ATP6V1A: variants seen among roughly 807,000 people sequenced by gnomAD.
ATP6V1A encodes ATPase H+ transporting V1 subunit A, also known as V-type proton ATPase catalytic subunit A.
In ATP6V1A, 18 loss-of-function variants were observed where a neutral mutation model predicts 70.1. That is an observed-to-expected ratio of 0.26 (90% CI 0.18 to 0.38). The LOEUF (loss-of-function observed/expected upper bound fraction) is 0.38, where lower values mean the gene tolerates loss of function less well. ATP6V1A is among the 10% of genes least tolerant of loss of function. The pLI is 1.00. For synonymous variants in ATP6V1A, 232 were observed against 253.8 expected (o/e 0.91, Z 0.82); for missense variants, 424 against 772.4 (o/e 0.55, Z 5.35).
intron 12 of ATP6V1A, 169 bp from the exon 13 acceptor site, chr3:113,803,414 C>A: frequency 6.8e-6 from 4 of 589,974 alleles, no homozygotes; most frequent in Admixed American, 6.3e-5. Context: ...ATGTTACATG[C>A]CTTTTAACCA....
At chr3:113,780,748 C>T in intron 2 of ATP6V1A, 1 of 1,302,862 alleles carries the variant, frequency 7.7e-7, no homozygotes, top group East Asian at 5.2e-5. Flanking sequence ...CTCCATGTAT[C>T]ATAGCAACTC....
chr3:113,761,387 C>G (rs1054690350), intron 1 of ATP6V1A, among the ~76,000 whole-genome samples: 7 of 148,534 alleles, frequency 4.7e-5, no homozygotes, highest in African/African-American at 1.7e-4. Flanking sequence ...TTTTTTTTGG[C>G]AAAGCCATCA....
At chr3:113,780,737 A>T in intron 2 of ATP6V1A, 1 of 1,298,356 alleles carries the variant, frequency 7.7e-7, no homozygotes, top group Non-Finnish European at 1.0e-6. Flanking sequence ...CAAAGCCTTC[A>T]CTCCATGTAT....
chr3:113,780,595 A>ATGTT (rs1440562782), intron 2 of ATP6V1A: 1 of 396,332 alleles, frequency 2.5e-6, no homozygotes, highest in African/African-American at 2.1e-5. Flanking sequence ...GAAAGTAAAC[A>ATGTT]TGTTGCTTTA....
chr3:113,781,935 A>G (rs1708981540), intron 3 of ATP6V1A, among the ~76,000 whole-genome samples: 3 of 152,216 alleles, frequency 2.0e-5, no homozygotes, highest in South Asian at 4.1e-4. Flanking sequence ...CAGTTTTATT[A>G]CTAGGAAAGC....
At chr3:113,769,213 A>C (rs910949833) in intron 1 of ATP6V1A, among the ~76,000 whole-genome samples, 1 of 152,218 alleles carries the variant, frequency 6.6e-6, no homozygotes, top group Non-Finnish European at 1.5e-5. Context: ...ATGATCAGGT[A>C]ATGTTATTTG....
At chr3:113,782,588 A>ATG (rs1491582663) in intron 3 of ATP6V1A, among the ~76,000 whole-genome samples, 1 of 139,026 alleles carries the variant, frequency 7.2e-6, no homozygotes, top group South Asian at 2.2e-4. Flanking sequence ...ATATATACAC[A>ATG]TATATATATA....
intron 1 of ATP6V1A, among the ~76,000 whole-genome samples, chr3:113,757,074 A>G (rs1227823979): frequency 6.6e-6 from 1 of 152,216 alleles, no homozygotes; most frequent in African/African-American, 2.4e-5. Flanking sequence ...AAGTATCTCT[A>G]TGAATCTAAG....
At chr3:113,763,945 A>G (rs1708736918) in intron 1 of ATP6V1A, among the ~76,000 whole-genome samples, 1 of 152,170 alleles carries the variant, frequency 6.6e-6, no homozygotes, top group Admixed American at 6.5e-5. Flanking sequence ...AGTAAGTTAA[A>G]TTGAATTAAA....
In ATP6V1A at chr3:113,772,933, C is replaced by CTTTTTTTTTTTTTTTTT. The variant is rs762901487; in HGVS notation, c.-13-5802_-13-5786dup. 2.0e-4 allele frequency among the ~76,000 whole-genome samples: 18 copies of CTTTTTTTTTTTTTTTTT among 90,450 alleles called. 4 individuals are homozygous for CTTTTTTTTTTTTTTTTT. Among genetic ancestry groups the CTTTTTTTTTTTTTTTTT allele is most frequent in the African/African-American group, 7.6e-4 (17 of 22,346 alleles). The allele number at this position is 90,450 out of a possible 152,430, so 59.3% of individuals were successfully genotyped here. A position where few individuals can be genotyped will look rare whatever the true frequency, so the allele number is the denominator to read the frequency against. On this transcript the variant is annotated intron_variant, in intron 1 of 14. Coordinates refer to ENST00000273398, the MANE Select transcript of ATP6V1A (RefSeq NM_001690.4). ...CATTTTTTTCTCCACTTAATATTGG[C>CTTTTTTTTTTTTTTTTT]TTTTTTTTTTTTTTTTTTTTTTGAG... is the stretch of plus-strand genomic sequence containing the variant.
chr3:113,810,685 T>C lies in ATP6V1A; in HGVS notation c.*1258T>C, dbSNP rs1709331865. 6.6e-6 allele frequency: 1 copy of C among 152,216 alleles called. No homozygotes were observed. The highest frequency in any genetic ancestry group is 1.5e-5 in the Non-Finnish European group (1 of 68,028). The allele number at this position is 152,216 out of a possible 1,614,324, so 9.4% of individuals were successfully genotyped here. A position where few individuals can be genotyped will look rare whatever the true frequency, so the allele number is the denominator to read the frequency against. ...ACCAGAGAAGATGTTTAGTAGCAAT[T>C]AAAGGCTGTTTGCACCTTTAAGGAC... On this transcript the variant is annotated 3_prime_UTR_variant, in exon 15 of 15. Transcript: ENST00000273398.
At chr3:113,772,353 G>C (rs1416267789) in intron 1 of ATP6V1A, among the ~76,000 whole-genome samples, 1 of 152,188 alleles carries the variant, frequency 6.6e-6, no homozygotes, top group East Asian at 1.9e-4. Context: ...GAATCCTGGA[G>C]AAAAGAACAT....
At chr3:113,768,679 T>G (rs1708801845) in intron 1 of ATP6V1A, among the ~76,000 whole-genome samples, 2 of 145,810 alleles carry the variant, frequency 1.4e-5, no homozygotes, top group Non-Finnish European at 3.0e-5. Flanking sequence ...CAGTGCAACC[T>G]CTGCCTTCCA....
chr3:113,780,175 A>G (rs1305669996), intron 2 of ATP6V1A, among the ~76,000 whole-genome samples: 14 of 152,214 alleles, frequency 9.2e-5, no homozygotes, highest in Admixed American at 9.2e-4. Flanking sequence ...GTAAATATTT[A>G]TAGAATGAAT....
chr3:113,775,709 G>T (rs1453101636), intron 1 of ATP6V1A, among the ~76,000 whole-genome samples: 1 of 152,196 alleles, frequency 6.6e-6, no homozygotes, highest in Non-Finnish European at 1.5e-5. Context: ...ATCTCATGCT[G>T]TTTCCACTTT....
At chr3:113,750,765 T>A (rs1441686002) in intron 1 of ATP6V1A, among the ~76,000 whole-genome samples, 1 of 152,206 alleles carries the variant, frequency 6.6e-6, no homozygotes, top group Non-Finnish European at 1.5e-5. Flanking sequence ...ATAACTACTT[T>A]GATTTTATAT....
chr3:113,764,164 T>A (rs1187049184), intron 1 of ATP6V1A, among the ~76,000 whole-genome samples: 1 of 151,910 alleles, frequency 6.6e-6, no homozygotes, highest in African/African-American at 2.4e-5. Context: ...GCCCAAGAGA[T>A]TGAGGCTGCA....
Position 113,799,628 on chromosome 3 carries a change from G to T in ATP6V1A, c.1494+1182G>T, listed in dbSNP as rs144770292. Among the ~76,000 whole-genome samples the T allele has an allele frequency of 7.9e-4, 121 of 152,264 alleles. 1 individual carries two copies. The East Asian group carries it at 0.019, about 24-fold the overall frequency. On this transcript the variant is annotated intron_variant, in intron 12 of 14. Transcript: ENST00000273398. ...CAAAGAAAGAGATAACAGTGTCATTGTTTGTAGATAATATGCTCATATACT... is the reference window on the plus strand; with the variant it reads ...CAAAGAAAGAGATAACAGTGTCATTTTTTGTAGATAATATGCTCATATACT...
chr3:113,801,379 C>T (rs1709210893), intron 12 of ATP6V1A, among the ~76,000 whole-genome samples: 1 of 152,020 alleles, frequency 6.6e-6, no homozygotes, highest in Non-Finnish European at 1.5e-5. Flanking sequence ...ACTAATAGAC[C>T]TGTGGAGAAT....
Sources: gnomAD v4.1 joint callset for allele counts (sites outside exome capture counted in the v4.1 genomes callset) on GRCh38, gnomAD v4.1.1 for gene constraint, MANE v1.5 for transcripts, NCBI Gene and HGNC (gene_info 2026-07-23, HGNC 2026-07-21) for gene names.